The following PRKG1 variants were observed in gnomAD, a reference collection of about 807,000 sequenced individuals.
The protein encoded by PRKG1 is protein kinase cGMP-dependent 1.
PRKG1 carries 35 observed loss-of-function variants against 88.1 expected under a neutral mutation model. The observed-to-expected ratio is 0.40, with a 90% CI of 0.30 to 0.53. The LOEUF (loss-of-function observed/expected upper bound fraction) is 0.53, where lower values mean the gene tolerates loss of function less well. Ranked by LOEUF, PRKG1 falls within the 20% of genes least tolerant of loss-of-function variation. The pLI is 0.59. For missense variants in PRKG1, 540 were observed against 839.8 expected, an observed-to-expected ratio of 0.64 and a Z score of 4.41; for synonymous variants, 303 against 292.5, an observed-to-expected ratio of 1.04 and a Z score of -0.37.
chr10:51,162,368 G>A (rs1846386293), intron 2 of PRKG1, among the ~76,000 whole-genome samples: 1 of 151,848 alleles, frequency 6.6e-6, no homozygotes, highest in African/African-American at 2.4e-5. Context: ...CTGTAGCTTT[G>A]GAAGGCTGCA....
chr10:51,086,141 G>A (rs1031653033), intron 1 of PRKG1, among the ~76,000 whole-genome samples: 1 of 152,220 alleles, frequency 6.6e-6, no homozygotes, highest in African/African-American at 2.4e-5. Flanking sequence ...ATACAAATAA[G>A]TAGATGTTAC....
intron 3 of PRKG1, among the ~76,000 whole-genome samples, chr10:51,687,205 C>G (rs1160928334): frequency 6.6e-6 from 1 of 152,112 alleles, no homozygotes; most frequent in Non-Finnish European, 1.5e-5. Context: ...TTAATTTGTA[C>G]TCTTAATTAT....
At chr10:51,822,841 C>T (rs1403524624) in intron 4 of PRKG1, among the ~76,000 whole-genome samples, 1 of 152,036 alleles carries the variant, frequency 6.6e-6, no homozygotes, top group Admixed American at 6.6e-5. Context: ...TGGAGTGTAG[C>T]CCTTTTTCTT....
At chr10:52,033,133 A>C (rs981133472) in intron 5 of PRKG1, among the ~76,000 whole-genome samples, 1 of 152,202 alleles carries the variant, frequency 6.6e-6, no homozygotes, top group African/African-American at 2.4e-5. Flanking sequence ...ATATGAGCCC[A>C]AATGCCACCT....
chr10:51,201,604 T>C lies in PRKG1; in HGVS notation c.478+48274T>C, dbSNP rs111813048. ...AAAATTTACATGCTGAAATCTAATC[T>C]CCAATATGATAGTGCATAGAGGTGG... On this transcript the variant is annotated intron_variant, in intron 2 of 17. Transcript: ENST00000373980. Among the ~76,000 whole-genome samples the C allele has an allele frequency of 1.8e-3, 275 of 152,276 alleles. 1 individual carries two copies. Among genetic ancestry groups the C allele is most frequent in the African/African-American group, 6.0e-3 (251 of 41,554 alleles).
intron 2 of PRKG1, among the ~76,000 whole-genome samples, chr10:51,219,877 T>C (rs1293168784): frequency 6.6e-6 from 1 of 152,140 alleles, no homozygotes; most frequent in Non-Finnish European, 1.5e-5. Flanking sequence ...GCAGAATTTC[T>C]AGGAATGACC....
At chr10:52,055,560 T>C (rs1020604273) in intron 6 of PRKG1, among the ~76,000 whole-genome samples, 3 of 152,198 alleles carry the variant, frequency 2.0e-5, no homozygotes, top group Non-Finnish European at 2.9e-5. Flanking sequence ...GCTATACTAT[T>C]GTATTACTAA....
chr10:50,997,474 A>T (rs912537704), intron 1 of PRKG1, among the ~76,000 whole-genome samples: 1 of 152,142 alleles, frequency 6.6e-6, no homozygotes, highest in Non-Finnish European at 1.5e-5. Context: ...CTCTTTCCTG[A>T]CTACGGTCCT....
intron 3 of PRKG1, among the ~76,000 whole-genome samples, chr10:51,644,082 A>C (rs1839861994): frequency 6.6e-6 from 1 of 152,204 alleles, no homozygotes. Context: ...TCTCACCATA[A>C]TTACAATGCC....
chr10:51,279,528 C>T (rs947664587), intron 2 of PRKG1, among the ~76,000 whole-genome samples: 1 of 152,124 alleles, frequency 6.6e-6, no homozygotes, highest in African/African-American at 2.4e-5. Context: ...CTTTGTAGGT[C>T]TCTAAGGACT....
chr10:51,960,517 C>T (rs146797049), intron 5 of PRKG1, among the ~76,000 whole-genome samples: 229 of 151,866 alleles, frequency 1.5e-3, no homozygotes, highest in African/African-American at 3.8e-3. Context: ...ACACCCCCCA[C>T]CAAAAATAAC....
chr10:51,953,179 C>A (rs1299508387), intron 5 of PRKG1, among the ~76,000 whole-genome samples: 1 of 152,110 alleles, frequency 6.6e-6, no homozygotes, highest in African/African-American at 2.4e-5. Flanking sequence ...AGGGATGTCA[C>A]CAATGGAAGA....
intron 3 of PRKG1, among the ~76,000 whole-genome samples, chr10:51,628,658 G>A (rs922411155): frequency 6.6e-6 from 1 of 152,142 alleles, no homozygotes; most frequent in Non-Finnish European, 1.5e-5. Flanking sequence ...AAGCTTTCAA[G>A]TTTTTCAAAA....
At chr10:52,053,629 T>C (rs1846042912) in intron 5 of PRKG1, among the ~76,000 whole-genome samples, 2 of 152,226 alleles carry the variant, frequency 1.3e-5, no homozygotes, top group Admixed American at 1.3e-4. Context: ...CCTCTCCTTA[T>C]TGAAATTACT....
At chr10:51,457,647 A>G (rs953773799) in intron 2 of PRKG1, among the ~76,000 whole-genome samples, 3 of 152,222 alleles carry the variant, frequency 2.0e-5, no homozygotes, top group Non-Finnish European at 4.4e-5. Context: ...TTCACTTAGC[A>G]TATTTTTAAG....
intron 5 of PRKG1, among the ~76,000 whole-genome samples, chr10:52,023,483 A>G (rs1457627772): frequency 6.6e-6 from 1 of 152,168 alleles, no homozygotes; most frequent in Non-Finnish European, 1.5e-5. Flanking sequence ...TCCTTGAGGA[A>G]TCGCCACACT....
chr10:51,110,513 C>T (rs1377268783), intron 1 of PRKG1, among the ~76,000 whole-genome samples: 4 of 152,012 alleles, frequency 2.6e-5, no homozygotes, highest in South Asian at 2.1e-4. Context: ...CAGAACAAAC[C>T]GGTGGTTGCC....
intron 5 of PRKG1, among the ~76,000 whole-genome samples, chr10:52,019,966 G>C (rs1250864969): frequency 6.6e-6 from 1 of 152,122 alleles, no homozygotes; most frequent in Non-Finnish European, 1.5e-5. Context: ...AAACAATGAA[G>C]ATAGGAAAGT....
At chr10:51,222,999 T>C (rs2132094330) in intron 2 of PRKG1, among the ~76,000 whole-genome samples, 1 of 151,232 alleles carries the variant, frequency 6.6e-6, no homozygotes, top group East Asian at 1.9e-4. Flanking sequence ...TGTTACTCAG[T>C]GTGTTTGTGT....
Sources: allele counts gnomAD v4.1 joint callset (sites outside exome capture counted in the v4.1 genomes callset), GRCh38; gene constraint gnomAD v4.1.1; transcripts MANE v1.5; gene names NCBI Gene and HGNC (gene_info 2026-07-23, HGNC 2026-07-21).